The following STK17B variants were observed in gnomAD, a reference collection of about 807,000 sequenced individuals.
STK17B encodes serine/threonine-protein kinase 17B.
A neutral mutation model predicts 42.0 loss-of-function variants in STK17B; 21 were observed. That is an observed-to-expected ratio of 0.50 (90% CI 0.35 to 0.72). The LOEUF is 0.72. Ranked by LOEUF, STK17B falls within the 30% of genes least tolerant of loss-of-function variation. The pLI is 0.00. For missense variants in STK17B, 349 were observed against 446.0 expected (o/e 0.78, Z 1.96); for synonymous variants, 143 against 148.4 (o/e 0.96, Z 0.26).
chr2:196,147,950 G>A (rs1016987120), intron 3 of STK17B, among the ~76,000 whole-genome samples: 1 of 152,016 alleles, frequency 6.6e-6, no homozygotes, highest in African/African-American at 2.4e-5. Flanking sequence ...GGATGGTCTC[G>A]ATCTCTTGAC....
At chr2:196,152,361 C>T (rs1314113630) in intron 3 of STK17B, among the ~76,000 whole-genome samples, 5 of 152,182 alleles carry the variant, frequency 3.3e-5, no homozygotes, top group Non-Finnish European at 7.3e-5. Context: ...CCTGCCCTGG[C>T]CTCCCAAAGT....
Position 196,134,078 on chromosome 2 carries a change from G to A in STK17B, c.*3369C>T, listed in dbSNP as rs888222028. On this transcript the variant is annotated 3_prime_UTR_variant, in exon 8 of 8. Transcript: ENST00000263955. ...TATTTATAAATGTTGCTTAGAGGAA[G>A]GCTATTCAAAGCATGGTCCATTAAC... 6 of 152,298 alleles carry A rather than the reference G, an allele frequency of 3.9e-5. No homozygotes were observed. The highest frequency in any genetic ancestry group is 1.4e-4 in the African/African-American group (6 of 41,570). The allele number at this position is 152,298 out of a possible 1,614,324, so 9.4% of individuals were successfully genotyped here.
upstream of STK17B, among the ~76,000 whole-genome samples, chr2:196,172,654 A>G (rs961788061): frequency 6.6e-6 from 1 of 152,234 alleles, no homozygotes; most frequent in Non-Finnish European, 1.5e-5. Flanking sequence ...TATAGAATGC[A>G]TCACAGCCCT....
At chr2:196,147,009 T>C (rs1449703541) in intron 3 of STK17B, among the ~76,000 whole-genome samples, 2 of 152,142 alleles carry the variant, frequency 1.3e-5, no homozygotes, top group Non-Finnish European at 2.9e-5. Flanking sequence ...TATCGAAACA[T>C]AAATCCTAAC....
chr2:196,149,233 T>C (rs1699628006), intron 3 of STK17B, among the ~76,000 whole-genome samples: 1 of 151,734 alleles, frequency 6.6e-6, no homozygotes, highest in Admixed American at 6.6e-5. Context: ...GTGCAATCTC[T>C]ACTCACCGCA....
intron 7 of STK17B, among the ~76,000 whole-genome samples, 164 bp from the exon 8 acceptor site, chr2:196,137,893 C>T (rs1699431062): frequency 6.6e-6 from 1 of 152,142 alleles, no homozygotes; most frequent in Non-Finnish European, 1.5e-5. Context: ...ATAATAGCTG[C>T]TAACATTTAC....
At chr2:196,175,074 G>T (rs1331896482), upstream of STK17B, among the ~76,000 whole-genome samples, 4 of 151,964 alleles carry the variant, frequency 2.6e-5, no homozygotes, top group East Asian at 7.7e-4. Flanking sequence ...AGTAAACACA[G>T]ATAAAATTAA....
chr2:196,175,618 ACT>A, upstream of STK17B, among the ~76,000 whole-genome samples: 1 of 152,344 alleles, frequency 6.6e-6, no homozygotes, highest in East Asian at 1.9e-4. Context: ...ACAAAGCGAG[ACT>A]CTGTCTCAAA....
At chr2:196,170,366 T>C (rs1699924222) in intron 1 of STK17B, among the ~76,000 whole-genome samples, 1 of 152,222 alleles carries the variant, frequency 6.6e-6, no homozygotes, top group Non-Finnish European at 1.5e-5. Context: ...ACCACAGATG[T>C]AAACATTACG....
At chr2:196,163,882 T>A (rs1027628756) in intron 1 of STK17B, among the ~76,000 whole-genome samples, 1 of 151,420 alleles carries the variant, frequency 6.6e-6, no homozygotes, top group African/African-American at 2.4e-5. Context: ...TATGAAAAAA[T>A]TTAAAAATTA....
chr2:196,133,779 T>C lies in STK17B; in HGVS notation c.*3668A>G, dbSNP rs1403242753. ...TTGATGTAGATTTTTTTTACTGGAA[T>C]ACTCATAATAATGTCTGTCTATATG... On this transcript the variant is annotated 3_prime_UTR_variant, in exon 8 of 8. Coordinates refer to ENST00000263955, the MANE Select transcript of STK17B (RefSeq NM_004226.4). The C allele has an allele frequency of 6.6e-6, 1 of 152,234 alleles. No homozygotes were observed. The highest frequency in any genetic ancestry group is 1.5e-5 in the Non-Finnish European group (1 of 68,032). The allele number at this position is 152,234 out of a possible 1,614,324, so 9.4% of individuals were successfully genotyped here.
intron 3 of STK17B, among the ~76,000 whole-genome samples, chr2:196,148,362 A>T (rs1045958981): frequency 6.6e-6 from 1 of 152,204 alleles, no homozygotes; most frequent in Non-Finnish European, 1.5e-5. Flanking sequence ...GTTTAGTTTC[A>T]ATGATACAAA....
At chr2:196,168,578 A>G (rs1475203403) in intron 1 of STK17B, among the ~76,000 whole-genome samples, 1 of 152,172 alleles carries the variant, frequency 6.6e-6, no homozygotes, top group Non-Finnish European at 1.5e-5. Context: ...GTATCACTAC[A>G]CCCTCTTTTG....
At chr2:196,149,253 T>C (rs1699628406) in intron 3 of STK17B, among the ~76,000 whole-genome samples, 1 of 151,758 alleles carries the variant, frequency 6.6e-6, no homozygotes, top group Non-Finnish European at 1.5e-5. Context: ...AACCTCCCCG[T>C]CCTGGGTTCA....
chr2:196,149,620 T>C (rs1464875075), intron 3 of STK17B, among the ~76,000 whole-genome samples: 1 of 152,332 alleles, frequency 6.6e-6, no homozygotes, highest in East Asian at 1.9e-4. Context: ...CACTATATGG[T>C]ACATATAAAG....
chr2:196,135,377 G>C lies in STK17B; in HGVS notation c.*2070C>G, dbSNP rs900668603. 1 of 152,074 alleles carries C rather than the reference G, an allele frequency of 6.6e-6. No homozygotes were observed. The highest frequency in any genetic ancestry group is 2.4e-5 in the African/African-American group (1 of 41,402). The allele number at this position is 152,074 out of a possible 1,614,324, so 9.4% of individuals were successfully genotyped here. A position where few individuals can be genotyped will look rare whatever the true frequency, so the allele number is the denominator to read the frequency against. On this transcript the variant is annotated 3_prime_UTR_variant, in exon 8 of 8. Transcript: ENST00000263955. ...AAGGGCTCAATTTAGATTATACAAC[G>C]TCTAGTTTATTGGACCAACAAACTA... is the stretch of plus-strand genomic sequence containing the variant.
At chr2:196,169,865 A>G (rs1699917360) in intron 1 of STK17B, among the ~76,000 whole-genome samples, 1 of 151,384 alleles carries the variant, frequency 6.6e-6, no homozygotes, top group Non-Finnish European at 1.5e-5. Flanking sequence ...AATATATTTC[A>G]CCTCAATTTT....
rs775570999 is a variant in STK17B at position 196,134,411 on chromosome 2, C to A, written c.*3036G>T. 6.6e-6 allele frequency: 1 copy of A among 152,052 alleles called. No homozygotes were observed. The highest frequency in any genetic ancestry group is 2.4e-5 in the African/African-American group (1 of 41,392). The allele number at this position is 152,052 out of a possible 1,614,324, so 9.4% of individuals were successfully genotyped here. ...AAGGAGCTCGAATCCTGCTGTGAAC[C>A]ACACGTGCAAGAGATCTAGGTTGCA... On this transcript the variant is annotated 3_prime_UTR_variant, in exon 8 of 8. Transcript: ENST00000263955.
At chr2:196,161,467 G>A (rs1216552427) in intron 2 of STK17B, among the ~76,000 whole-genome samples, 1 of 142,160 alleles carries the variant, frequency 7.0e-6, no homozygotes, top group Non-Finnish European at 1.5e-5. Context: ...TATGAAATGT[G>A]CTTTTGTATT....
Sources: allele counts gnomAD v4.1 joint callset (sites outside exome capture counted in the v4.1 genomes callset), GRCh38; gene constraint gnomAD v4.1.1; transcripts MANE v1.5; gene names NCBI Gene and HGNC (gene_info 2026-07-23, HGNC 2026-07-21).